The following NRXN1 variants were observed in gnomAD, a reference collection of about 807,000 sequenced individuals.
NRXN1 encodes neurexin 1.
In NRXN1, 39 loss-of-function variants were observed where a neutral mutation model predicts 150.9. The ratio of observed to expected loss-of-function variants is 0.26; its 90% CI spans 0.20 to 0.34. The LOEUF is 0.34. Among genes scored for constraint, NRXN1 ranks in the 10% least tolerant of loss-of-function variants. The probability of loss-of-function intolerance (pLI) is 1.00; values close to 1 mark genes in which losing one functional copy is unlikely to be tolerated. For synonymous variants in NRXN1, 924 were observed against 757.0 expected (o/e 1.22, Z -3.62); for missense variants, 1,815 against 1,949.9 (o/e 0.93, Z 1.30).
intron 10 of NRXN1, among the ~76,000 whole-genome samples, chr2:50,532,534 C>G (rs189350998): frequency 6.6e-6 from 1 of 152,170 alleles, no homozygotes; most frequent in East Asian, 1.9e-4. Context: ...CTGTTACTTC[C>G]TTTTAAGATT....
chr2:50,242,715 C>T (rs993964007), intron 17 of NRXN1, among the ~76,000 whole-genome samples: 3 of 151,212 alleles, frequency 2.0e-5, no homozygotes, highest in African/African-American at 7.3e-5. Context: ...ACAAAGATGC[C>T]AGGAAAAGAA....
intron 5 of NRXN1, among the ~76,000 whole-genome samples, chr2:50,844,142 G>A (rs559237739): frequency 3.7e-4 from 57 of 152,156 alleles, no homozygotes; most frequent in African/African-American, 9.9e-4. Flanking sequence ...TTGCAAGATC[G>A]GGTGTCTGGT....
At chr2:50,336,220 A>G (rs773296875) in intron 17 of NRXN1, among the ~76,000 whole-genome samples, 11 of 152,224 alleles carry the variant, frequency 7.2e-5, no homozygotes, top group Non-Finnish European at 1.6e-4. Context: ...CTGGTGTTAA[A>G]TTGAAGAAAC....
At chr2:50,388,685 A>T (rs2081484473) in intron 17 of NRXN1, among the ~76,000 whole-genome samples, 2 of 152,132 alleles carry the variant, frequency 1.3e-5, no homozygotes, top group South Asian at 4.1e-4. Context: ...TTATATTGAA[A>T]TTCAGGATAT....
intron 17 of NRXN1, among the ~76,000 whole-genome samples, chr2:50,365,186 T>A (rs904226493): frequency 6.6e-6 from 1 of 151,956 alleles, no homozygotes; most frequent in African/African-American, 2.4e-5. Flanking sequence ...CATTAGAAAA[T>A]TGAAAACTAT....
chr2:50,671,594 A>G (rs1489764294), intron 5 of NRXN1, among the ~76,000 whole-genome samples: 1 of 151,740 alleles, frequency 6.6e-6, no homozygotes, highest in Non-Finnish European at 1.5e-5. Flanking sequence ...TATACTATTG[A>G]TAGGAAATGG....
chr2:50,827,535 G>C (rs764535741), intron 5 of NRXN1, among the ~76,000 whole-genome samples: 1 of 152,006 alleles, frequency 6.6e-6, no homozygotes, highest in Non-Finnish European at 1.5e-5. Context: ...CTCTTTTAAA[G>C]ACTTACTTTC....
intron 8 of NRXN1, among the ~76,000 whole-genome samples, chr2:50,589,961 G>T (rs1235796098): frequency 6.6e-6 from 1 of 152,080 alleles, no homozygotes; most frequent in African/African-American, 2.4e-5. Flanking sequence ...CTTAATACCT[G>T]GAATACAGCA....
At chr2:50,731,504 A>T (rs998437947) in intron 5 of NRXN1, among the ~76,000 whole-genome samples, 1 of 152,208 alleles carries the variant, frequency 6.6e-6, no homozygotes, top group Admixed American at 6.5e-5. Context: ...TGAGGGATGG[A>T]GAGGTTGAGT....
At chr2:50,340,516 C>T (rs1048502381) in intron 17 of NRXN1, among the ~76,000 whole-genome samples, 3 of 152,038 alleles carry the variant, frequency 2.0e-5, no homozygotes, top group African/African-American at 7.2e-5. Flanking sequence ...GTAAGCCACT[C>T]CCAGAATAAT....
At position 50,659,465 on chromosome 2, in the gene NRXN1, G is replaced by T. The variant is rs193052029; in HGVS notation, c.833-35850C>A. On this transcript the variant is annotated intron_variant, in intron 5 of 22. Coordinates refer to ENST00000401669, the MANE Select transcript of NRXN1 (RefSeq NM_001330078.2). ...TCAATATCACTTTTTTTTTTAGTAC[G>T]CAACACATTGGTATACTGTCTGGGG... is the stretch of plus-strand genomic sequence containing the variant. 3.3e-4 allele frequency among the ~76,000 whole-genome samples: 50 copies of T among 151,158 alleles called. No homozygotes were observed. The East Asian group carries it at 8.6e-3, about 26-fold the overall frequency.
At chr2:50,646,708 CTTT>C (rs552231598) in intron 5 of NRXN1, among the ~76,000 whole-genome samples, 49 of 107,406 alleles carry the variant, frequency 4.6e-4, no homozygotes, top group African/African-American at 1.5e-3. Context: ...TTCATGTTGT[CTTT>C]TTTTTTTTTT....
chr2:49,948,653 A>G (rs1030292793), intron 21 of NRXN1, among the ~76,000 whole-genome samples: 1 of 151,936 alleles, frequency 6.6e-6, no homozygotes, highest in African/African-American at 2.4e-5. Flanking sequence ...TAACTGCACA[A>G]TTTTCTAGCC....
chr2:50,559,884 T>A (rs1668801655), intron 8 of NRXN1, among the ~76,000 whole-genome samples: 1 of 152,216 alleles, frequency 6.6e-6, no homozygotes, highest in Non-Finnish European at 1.5e-5. Context: ...AAGATGGTCC[T>A]ACTCATTTTG....
chr2:50,239,395 ACAC>A (rs1330063181), intron 17 of NRXN1, among the ~76,000 whole-genome samples: 2 of 151,368 alleles, frequency 1.3e-5, no homozygotes, highest in Non-Finnish European at 3.0e-5. Context: ...ATATAAAACA[ACAC>A]ATATCTAAGA....
chr2:50,240,424 A>G (rs1452234594), intron 17 of NRXN1, among the ~76,000 whole-genome samples: 2 of 151,572 alleles, frequency 1.3e-5, no homozygotes, highest in Non-Finnish European at 3.0e-5. Flanking sequence ...AGCACTCTGG[A>G]TTTTTTTTAA....
chr2:50,594,205 A>C (rs925170977), intron 8 of NRXN1, among the ~76,000 whole-genome samples: 4 of 152,216 alleles, frequency 2.6e-5, no homozygotes, highest in African/African-American at 9.6e-5. Flanking sequence ...AGACTATTAC[A>C]GATATAATTT....
At chr2:50,798,288 A>T (rs1442766149) in intron 5 of NRXN1, among the ~76,000 whole-genome samples, 1 of 152,178 alleles carries the variant, frequency 6.6e-6, no homozygotes, top group East Asian at 1.9e-4. Context: ...GTCAAAAAGC[A>T]GAATTTGTTT....
chr2:50,316,553 T>A (rs2075623649), intron 17 of NRXN1, among the ~76,000 whole-genome samples: 2 of 151,986 alleles, frequency 1.3e-5, no homozygotes, highest in Admixed American at 1.3e-4. Context: ...AGGATAATAT[T>A]TTTACATAAC....
Sources: gnomAD v4.1 joint callset for allele counts (sites outside exome capture counted in the v4.1 genomes callset) on GRCh38, gnomAD v4.1.1 for gene constraint, MANE v1.5 for transcripts, NCBI Gene and HGNC (gene_info 2026-07-23, HGNC 2026-07-21) for gene names.